The following TBC1D14 variants were observed in gnomAD, a reference collection of about 807,000 sequenced individuals.
TBC1D14 encodes TBC1 domain family member 14.
Under a neutral mutation model 79.0 loss-of-function variants are expected in TBC1D14, and 26 were observed. The observed-to-expected ratio is 0.33, with a 90% CI of 0.24 to 0.46. The LOEUF (loss-of-function observed/expected upper bound fraction) is 0.46. TBC1D14 is among the 20% of genes least tolerant of loss of function. The pLI is 1.00. For missense variants in TBC1D14, 769 were observed against 887.6 expected, an observed-to-expected ratio of 0.87 and a Z score of 1.70; for synonymous variants, 394 against 349.9, an observed-to-expected ratio of 1.13 and a Z score of -1.40.
At chr4:7,028,842 T>C (rs557184748) in intron 13 of TBC1D14, among the ~76,000 whole-genome samples, 42 of 151,758 alleles carry the variant, frequency 2.8e-4, no homozygotes, top group African/African-American at 9.7e-4. Flanking sequence ...TCTTTTTCCT[T>C]CTTTTTTTTT....
chr4:6,949,818 C>T (rs773104619), intron 2 of TBC1D14, among the ~76,000 whole-genome samples: 4 of 149,610 alleles, frequency 2.7e-5, no homozygotes, highest in Non-Finnish European at 5.9e-5. Context: ...TTCCTGGATA[C>T]TGTTTGGGAT....
At chr4:6,926,574 T>C (rs1724314969) in intron 2 of TBC1D14, among the ~76,000 whole-genome samples, 1 of 152,174 alleles carries the variant, frequency 6.6e-6, no homozygotes, top group Non-Finnish European at 1.5e-5. Flanking sequence ...GGGAAGATAA[T>C]GGAATATAAT....
intron 2 of TBC1D14, among the ~76,000 whole-genome samples, chr4:6,956,745 C>T (rs1194527226): frequency 6.6e-6 from 1 of 152,242 alleles, no homozygotes; most frequent in Non-Finnish European, 1.5e-5. Flanking sequence ...GAGGTTACCT[C>T]CCACCTTGTG....
rs754850503 is a variant in TBC1D14 at position 7,004,832 on chromosome 4, C to G, written c.1271-12C>G. On this transcript the variant is annotated splice_polypyrimidine_tract_variant and intron_variant, in intron 7 of 13. Coordinates refer to ENST00000409757, the MANE Select transcript of TBC1D14 (RefSeq NM_020773.3). ...TGTGCACGTAATACTTACCCAGAGG[C>G]TTTTCTTCCAGAGCTCTTTGACATC... The G allele has an allele frequency of 1.9e-6, 3 of 1,613,914 alleles. No homozygotes were observed. Among genetic ancestry groups the G allele is most frequent in the Non-Finnish European group, 1.7e-6 (2 of 1,179,948 alleles).
rs1449180830 is a variant in TBC1D14 at position 7,010,687 on chromosome 4, T to C, written c.1553T>C (p.Ile518Thr). ...ATGTCCTTCATAGCAGCAGTGTTGA[T>C]CTTGAACTTAGATACTGCAGATGCC... ...QGMSFIAAVL[I>T]LNLDTADAFI... The change falls in exon 11 of 14, where the codon ATC becomes ACC. Residue 518 changes from isoleucine (I) to threonine (T), a missense_variant. Ile to Thr is a moderately conservative substitution (Grantham distance 89). Around this residue, in one of 2 missense-constraint regions of TBC1D14, gnomAD observed 367 missense variants for 494.4 expected, o/e 0.74. Coordinates refer to ENST00000409757, the MANE Select transcript of TBC1D14 (RefSeq NM_020773.3). The C allele has an allele frequency of 1.2e-6, 2 of 1,613,996 alleles. No homozygotes were observed. Among genetic ancestry groups the C allele is most frequent in the Non-Finnish European group, 1.7e-6 (2 of 1,180,014 alleles).
rs1329385396 is a variant in TBC1D14 at position 7,001,271 on chromosome 4, C to T, written c.1270+20C>T. On this transcript the variant is annotated intron_variant, in intron 7 of 13. Transcript: ENST00000409757. ...CCCACGGTGAGTGGCCTGCATGATC[C>T]TGGGGAGTCCACCTCCAGGCCCTTT... The T allele has an allele frequency of 1.2e-6, 2 of 1,600,240 alleles. No individual in the cohort carries two copies. The highest frequency in any genetic ancestry group is 1.1e-5 in the South Asian group (1 of 90,582).
rs555193611 is a variant in TBC1D14 at position 6,935,446 on chromosome 4, C to T, written c.722+11335C>T. Among the ~76,000 whole-genome samples, 1,089 of 152,096 alleles carry T rather than the reference C, an allele frequency of 7.2e-3. 24 individuals carry two copies. Among genetic ancestry groups the T allele is most frequent in the Non-Finnish European group, 9.1e-3 (616 of 67,970 alleles). Reference sequence around the variant, plus strand: ...GCTGGGGAGAGTCCAGCGTAGCAGGCGCCTGGGAGAGGATGGGGCACAGGT... The same window carrying T: ...GCTGGGGAGAGTCCAGCGTAGCAGGTGCCTGGGAGAGGATGGGGCACAGGT... On this transcript the variant is annotated intron_variant, in intron 2 of 13. Transcript: ENST00000409757.
rs773032848 is a variant in TBC1D14 at position 6,923,472 on chromosome 4, A to G, written c.83A>G (p.Gln28Arg). Residue 28 changes from glutamine to arginine, a missense_variant, in exon 2 of 14, where the codon CAG (glutamine) becomes CGG (arginine). Coordinates refer to ENST00000409757, the MANE Select transcript of TBC1D14 (RefSeq NM_020773.3). The stretch of plus-strand genomic sequence containing the variant: ...GATGGTCGACCAGGAAACCCCCTTC[A>G]GAACCTGCAACACGTCAATCTCAAG... ...ILDGRPGNPLQNLQHVNLKAP... is the reference protein window; with the variant it reads ...ILDGRPGNPLRNLQHVNLKAP... The G allele has an allele frequency of 6.2e-7, 1 of 1,614,214 alleles. No individual in the cohort carries two copies. The highest frequency in any genetic ancestry group is 2.2e-5 in the East Asian group (1 of 44,888).
chr4:6,938,304 G>C (rs1290846756), intron 2 of TBC1D14, among the ~76,000 whole-genome samples: 1 of 152,140 alleles, frequency 6.6e-6, no homozygotes, highest in African/African-American at 2.4e-5. Flanking sequence ...GTGGTGCCAT[G>C]CTCGGCCACC....
chr4:6,988,730 G>A (rs1364313934), intron 3 of TBC1D14, among the ~76,000 whole-genome samples: 1 of 152,170 alleles, frequency 6.6e-6, no homozygotes, highest in African/African-American at 2.4e-5. Flanking sequence ...TTTCCAGGGA[G>A]CCAGAGGCTC....
intron 11 of TBC1D14, among the ~76,000 whole-genome samples, chr4:7,012,753 T>G (rs2109260752): frequency 6.6e-6 from 1 of 152,336 alleles, no homozygotes; most frequent in East Asian, 1.9e-4. Context: ...GGATTAATAG[T>G]GTTTATGTGT....
intron 2 of TBC1D14, among the ~76,000 whole-genome samples, chr4:6,947,942 C>T (rs867099184): frequency 7.2e-5 from 11 of 152,164 alleles, no homozygotes; most frequent in African/African-American, 2.7e-4. Context: ...GGAAGCCCGC[C>T]TGCCCTACAA....
At chr4:6,987,285 G>T in intron 3 of TBC1D14, 3 of 1,346,168 alleles carry the variant, frequency 2.2e-6, no homozygotes, top group Non-Finnish European at 2.9e-6. Flanking sequence ...AGGGAGGGAG[G>T]CCGGCCCTCC....
chr4:6,939,182 C>T (rs1333570930), intron 2 of TBC1D14, among the ~76,000 whole-genome samples: 2 of 152,188 alleles, frequency 1.3e-5, no homozygotes, highest in Non-Finnish European at 2.9e-5. Flanking sequence ...TTGCGTCAGG[C>T]GGTCTCGGCA....
At chr4:7,007,065 C>CTGTGTG (rs1203463158) in intron 9 of TBC1D14, among the ~76,000 whole-genome samples, 1 of 152,142 alleles carries the variant, frequency 6.6e-6, no homozygotes, top group Non-Finnish European at 1.5e-5. Context: ...GCTCTCAGGA[C>CTGTGTG]TGTGTGTAGC....
chr4:7,017,652 A>C (rs1276312196), intron 12 of TBC1D14, among the ~76,000 whole-genome samples: 1 of 152,168 alleles, frequency 6.6e-6, no homozygotes, highest in Non-Finnish European at 1.5e-5. Context: ...GGCCTTGTGA[A>C]TGCTGTCCAC....
At chr4:6,954,024 G>A (rs551296565) in intron 2 of TBC1D14, among the ~76,000 whole-genome samples, 1 of 152,172 alleles carries the variant, frequency 6.6e-6, no homozygotes, top group Non-Finnish European at 1.5e-5. Flanking sequence ...GTGCGGAGCC[G>A]TGTCCCAGGC....
Position 7,030,346 on chromosome 4 carries a change from A to C in TBC1D14, c.2036A>C (p.Lys679Thr). The C allele has an allele frequency of 6.2e-7, 1 of 1,613,976 alleles. No individual in the cohort carries two copies. Among genetic ancestry groups the C allele is most frequent in the Non-Finnish European group, 8.5e-7 (1 of 1,179,878 alleles). The change falls in exon 14 of 14, where the codon AAA becomes ACA. Residue 679 changes from lysine (K) to threonine (T), a missense_variant. Coordinates refer to ENST00000409757, the MANE Select transcript of TBC1D14 (RefSeq NM_020773.3). Reference sequence around the variant, plus strand: ...TTCTAGGTACTGACTGCATTGCAGAAAGACAGCCGGGAAATGGAGAAGGGA... The same window carrying C: ...TTCTAGGTACTGACTGCATTGCAGACAGACAGCCGGGAAATGGAGAAGGGA... ...KWAQVLTALQ[K>T]DSREMEKGSP...
chr4:6,976,506 A>C (rs1716723037), intron 3 of TBC1D14, among the ~76,000 whole-genome samples: 1 of 152,232 alleles, frequency 6.6e-6, no homozygotes, highest in Non-Finnish European at 1.5e-5. Flanking sequence ...AGGCCAGAAA[A>C]AGTAAAACGA....
Sources: allele counts gnomAD v4.1 joint callset (sites outside exome capture counted in the v4.1 genomes callset), GRCh38; gene constraint gnomAD v4.1.1; regional missense constraint gnomAD v4.1.1; transcripts MANE v1.5; gene names NCBI Gene and HGNC (gene_info 2026-07-23, HGNC 2026-07-21).